PHKB: variants seen among roughly 807,000 people sequenced by gnomAD.
The protein encoded by PHKB is phosphorylase kinase regulatory subunit beta, also known as phosphorylase b kinase regulatory subunit beta.
A neutral mutation model predicts 152.1 loss-of-function variants in PHKB; 122 were observed. That is an observed-to-expected ratio of 0.80 (90% CI 0.69 to 0.93). PHKB has a LOEUF of 0.93. Ranked by LOEUF, PHKB falls within the 40% of genes least tolerant of loss-of-function variation. The pLI, the probability that PHKB is intolerant of heterozygous loss-of-function variation, is 0.00. For missense variants in PHKB, 1,304 were observed against 1,328.4 expected, an observed-to-expected ratio of 0.98 and a Z score of 0.29; for synonymous variants, 436 against 464.9, an observed-to-expected ratio of 0.94 and a Z score of 0.80.
intron 16 of PHKB, among the ~76,000 whole-genome samples, chr16:47,642,163 AC>A (rs1416017039): frequency 6.6e-6 from 1 of 152,060 alleles, no homozygotes; most frequent in African/African-American, 2.4e-5. Context: ...TTTAAAAAAA[AC>A]GTACTCATAC....
intron 7 of PHKB, among the ~76,000 whole-genome samples, chr16:47,551,059 G>T (rs553778830): frequency 1.2e-4 from 18 of 152,098 alleles, no homozygotes; most frequent in Non-Finnish European, 2.2e-4. Context: ...GATCAGTGAT[G>T]ATATCTCCTT....
chr16:47,613,298 CTTCCAGTGGA>C (rs1972460178), intron 14 of PHKB, among the ~76,000 whole-genome samples: 1 of 152,222 alleles, frequency 6.6e-6, no homozygotes, highest in Non-Finnish European at 1.5e-5. Flanking sequence ...CAAGTGTCTT[CTTCCAGTGGA>C]GTCAAATGAG....
intron 1 of PHKB, among the ~76,000 whole-genome samples, chr16:47,488,900 T>G (rs1970096748): frequency 6.6e-6 from 1 of 152,238 alleles, no homozygotes; most frequent in Non-Finnish European, 1.5e-5. Flanking sequence ...AGCTTTGTTC[T>G]TTTCTTAGGA....
chr16:47,500,236 G>T (rs2151643089), intron 3 of PHKB, among the ~76,000 whole-genome samples: 1 of 152,158 alleles, frequency 6.6e-6, no homozygotes, highest in South Asian at 2.1e-4. Context: ...TGGGGTTTCT[G>T]TTGGCCAGGC....
At chr16:47,556,350 A>T (rs1240720009) in intron 7 of PHKB, among the ~76,000 whole-genome samples, 2 of 152,226 alleles carry the variant, frequency 1.3e-5, no homozygotes, top group African/African-American at 2.4e-5. Context: ...TTGTGCCCAT[A>T]TTCAAAGGGA....
In PHKB at chr16:47,587,721, G is replaced by A; in HGVS notation, c.828G>A (p.Arg276=). The A allele has an allele frequency of 6.2e-7, 1 of 1,613,266 alleles. No homozygotes were observed. Among genetic ancestry groups the A allele is most frequent in the Non-Finnish European group, 8.5e-7 (1 of 1,179,528 alleles). Residue 276 remains arginine (R), a synonymous_variant, in exon 9 of 31, where the codon AGG becomes AGA. Coordinates refer to ENST00000323584, the MANE Select transcript of PHKB (RefSeq NM_000293.3). The stretch of plus-strand genomic sequence containing the variant: ...ATCTCGATGCTCACAATCGCAACAG[G>A]CAAACTTTGTGCTCGCTGTTACCCA... ...FVDLDAHNRN[R]QTLCSLLPRE...
chr16:47,544,270 A>G (rs1456514224), intron 6 of PHKB, among the ~76,000 whole-genome samples: 1 of 152,148 alleles, frequency 6.6e-6, no homozygotes, highest in Non-Finnish European at 1.5e-5. Context: ...TGTGTCCCAG[A>G]GATTCTGTTA....
At chr16:47,506,446 T>C (rs1219449881) in intron 4 of PHKB, among the ~76,000 whole-genome samples, 3 of 152,232 alleles carry the variant, frequency 2.0e-5, no homozygotes. Context: ...AATAAAGTAG[T>C]ATGTCACAGA....
intron 4 of PHKB, among the ~76,000 whole-genome samples, chr16:47,506,027 C>G (rs975260156): frequency 2.0e-5 from 1 of 50,266 alleles, no homozygotes; most frequent in Non-Finnish European, 4.1e-5. Flanking sequence ...GAAACTGTCT[C>G]AAAAAAAAAA....
intron 26 of PHKB, among the ~76,000 whole-genome samples, chr16:47,687,928 A>G (rs780731861): frequency 6.6e-6 from 1 of 152,194 alleles, no homozygotes; most frequent in Non-Finnish European, 1.5e-5. Flanking sequence ...CTCTACATTG[A>G]GAGACATTAG....
intron 16 of PHKB, among the ~76,000 whole-genome samples, chr16:47,642,376 G>C (rs1973040878): frequency 6.6e-6 from 1 of 152,152 alleles, no homozygotes. Context: ...TGCACGCACT[G>C]CTCTGCAGAT....
intron 14 of PHKB, among the ~76,000 whole-genome samples, chr16:47,612,297 ATAAAT>A (rs1250243806): frequency 6.6e-6 from 1 of 152,220 alleles, no homozygotes; most frequent in Non-Finnish European, 1.5e-5. Flanking sequence ...TTCTTAGAAA[ATAAAT>A]TAATAGGTCA....
At chr16:47,533,116 T>C (rs1970889949) in intron 6 of PHKB, among the ~76,000 whole-genome samples, 1 of 152,178 alleles carries the variant, frequency 6.6e-6, no homozygotes, top group African/African-American at 2.4e-5. Context: ...TGGAGTGGGT[T>C]GCTCCTCTCT....
At chr16:47,658,840 G>GTGTA (rs983536897) in intron 20 of PHKB, among the ~76,000 whole-genome samples, 22 of 151,882 alleles carry the variant, frequency 1.4e-4, no homozygotes, top group Non-Finnish European at 2.8e-4. Context: ...GTGTGTGTGT[G>GTGTA]TGTGTGTGTG....
intron 1 of PHKB, among the ~76,000 whole-genome samples, chr16:47,487,334 G>C (rs575434338): frequency 1.3e-5 from 2 of 152,070 alleles, no homozygotes; most frequent in African/African-American, 4.8e-5. Flanking sequence ...CCTGTGATAG[G>C]TTTGAAATTG....
At position 47,636,586 on chromosome 16, in the gene PHKB, G is replaced by A. The variant is rs562712171; in HGVS notation, c.1459-4449G>A. Among the ~76,000 whole-genome samples the A allele has an allele frequency of 8.3e-4, 127 of 152,358 alleles. 1 individual carries two copies. The highest frequency in any genetic ancestry group is 2.9e-3 in the African/African-American group (121 of 41,590). On this transcript the variant is annotated intron_variant, in intron 14 of 30. Transcript: ENST00000323584. ...AGCAGTACGGAACAAAGTTGTGACT[G>A]AGCCTGGGTGCTGATGCAACACAGC...
chr16:47,670,308 C>T (rs890361260), intron 26 of PHKB, among the ~76,000 whole-genome samples: 2 of 152,270 alleles, frequency 1.3e-5, no homozygotes, highest in East Asian at 3.9e-4. Flanking sequence ...TGGGTGCAAA[C>T]ATACATGTAT....
At chr16:47,605,346 A>T (rs1355626435) in intron 13 of PHKB, among the ~76,000 whole-genome samples, 1 of 152,246 alleles carries the variant, frequency 6.6e-6, no homozygotes, top group Non-Finnish European at 1.5e-5. Flanking sequence ...AGAAACACGA[A>T]GGAAATGCAA....
intron 26 of PHKB, among the ~76,000 whole-genome samples, chr16:47,671,659 C>A (rs758623691): frequency 1.9e-4 from 29 of 152,252 alleles, no homozygotes; most frequent in Non-Finnish European, 3.4e-4. Context: ...TTGGCAATAT[C>A]TGCATACATC....
Sources: gnomAD v4.1 joint callset for allele counts (sites outside exome capture counted in the v4.1 genomes callset) on GRCh38, gnomAD v4.1.1 for gene constraint, MANE v1.5 for transcripts, NCBI Gene and HGNC (gene_info 2026-07-23, HGNC 2026-07-21) for gene names.